KIAA1671: variants seen among roughly 807,000 people sequenced by gnomAD.
KIAA1671 encodes uncharacterized protein KIAA1671.
Under a neutral mutation model 131.2 loss-of-function variants are expected in KIAA1671, and 52 were observed. The ratio of observed to expected loss-of-function variants is 0.40; its 90% CI spans 0.32 to 0.50. KIAA1671 has a LOEUF of 0.50. Among genes scored for constraint, KIAA1671 ranks in the 20% least tolerant of loss-of-function variants. KIAA1671 has a pLI of 0.73. For synonymous variants in KIAA1671, 1,003 were observed against 961.6 expected, an observed-to-expected ratio of 1.04 and a Z score of -0.80; for missense variants, 2,360 against 2,364.2, an observed-to-expected ratio of 1.00 and a Z score of 0.04.
intron 1 of KIAA1671, among the ~76,000 whole-genome samples, chr22:25,019,685 A>C (rs1431948610): frequency 2.8e-5 from 1 of 36,258 alleles, no homozygotes; most frequent in Non-Finnish European, 5.0e-5. Flanking sequence ...CCTTGAATAC[A>C]AAAAAAAAAA....
Position 25,099,545 on chromosome 22 carries a change from GTTTTTTT to G in KIAA1671, c.4530+50203_4530+50209del, listed in dbSNP as rs58721361. 3.3e-3 allele frequency among the ~76,000 whole-genome samples: 115 copies of G among 35,362 alleles called. No homozygotes were observed. The East Asian group carries it at 0.057, about 17-fold the overall frequency. 23.2% of individuals were successfully genotyped at this position (35,362 alleles called of 152,430 possible). On this transcript the variant is annotated intron_variant, in intron 6 of 12. Transcript: ENST00000358431. ...TGTCTTTCAAAATGTGGGTTTTTTT[GTTTTTTT>G]TTTTTTTTTTTTTTTTTTTTTAGAT... is the stretch of plus-strand genomic sequence containing the variant.
intron 6 of KIAA1671, among the ~76,000 whole-genome samples, chr22:25,134,598 G>A (rs758714634): frequency 4.6e-5 from 7 of 152,190 alleles, no homozygotes; most frequent in South Asian, 4.2e-4. Flanking sequence ...CTCTTCTGTC[G>A]TCCCAGTTGG....
At chr22:25,079,767 G>T (rs1423161305) in intron 6 of KIAA1671, among the ~76,000 whole-genome samples, 1 of 152,172 alleles carries the variant, frequency 6.6e-6, no homozygotes, top group East Asian at 1.9e-4. Flanking sequence ...TCACTCTAAG[G>T]ACTGTGCCTC....
chr22:25,044,063 T>C (rs977521246), intron 5 of KIAA1671, among the ~76,000 whole-genome samples: 1 of 152,272 alleles, frequency 6.6e-6, no homozygotes, highest in Non-Finnish European at 1.5e-5. Flanking sequence ...GGGTAAGTGA[T>C]GGAGTCAGGC....
chr22:25,054,407 C>T (rs979059676), intron 6 of KIAA1671: 2 of 149,784 alleles, frequency 1.3e-5, no homozygotes, highest in Non-Finnish European at 3.0e-5. Context: ...GGCTCCTCTC[C>T]GTGGCTGACA....
At chr22:25,068,564 G>A (rs967001013) in intron 6 of KIAA1671, among the ~76,000 whole-genome samples, 5 of 152,150 alleles carry the variant, frequency 3.3e-5, no homozygotes, top group African/African-American at 9.7e-5. Flanking sequence ...AGCCTCCCGA[G>A]TAGCTGGGAC....
chr22:25,129,507 GA>G (rs768667507), intron 6 of KIAA1671, among the ~76,000 whole-genome samples: 134 of 130,836 alleles, frequency 1.0e-3, no homozygotes, highest in East Asian at 3.2e-3. Context: ...GACTCCATCT[GA>G]AAAAAAAAAA....
chr22:25,184,699 G>A (rs901464070), intron 10 of KIAA1671, among the ~76,000 whole-genome samples: 5 of 152,272 alleles, frequency 3.3e-5, no homozygotes, highest in Non-Finnish European at 7.4e-5. Context: ...GTGGCATGCC[G>A]TGTGCTGAGC....
chr22:25,102,855 G>A (rs557688413), intron 6 of KIAA1671: 35 of 152,724 alleles, frequency 2.3e-4, no homozygotes, highest in African/African-American at 5.8e-4. Context: ...TGACTCAGGC[G>A]ATGCAGGCCT....
chr22:25,144,155 C>T (rs1932844392), intron 6 of KIAA1671, among the ~76,000 whole-genome samples: 1 of 152,108 alleles, frequency 6.6e-6, no homozygotes, highest in African/African-American at 2.4e-5. Context: ...TTTCTCCTGC[C>T]CCTTCCCTTT....
intron 1 of KIAA1671, among the ~76,000 whole-genome samples, chr22:25,008,045 A>C (rs2123871934): frequency 6.6e-6 from 1 of 151,996 alleles, no homozygotes; most frequent in African/African-American, 2.4e-5. Flanking sequence ...TAAAAATACA[A>C]AAATTAGCCG....
chr22:25,185,378 C>T, intron 11 of KIAA1671: 1 of 434,720 alleles, frequency 2.3e-6, no homozygotes. Flanking sequence ...ACATGGAACG[C>T]CAGGGCACCA....
intron 6 of KIAA1671, among the ~76,000 whole-genome samples, chr22:25,085,517 C>A (rs1280868041): frequency 3.3e-5 from 5 of 151,596 alleles, no homozygotes; most frequent in Non-Finnish European, 5.9e-5. Flanking sequence ...CCTCCCCCCC[C>A]ATAACCCCCT....
chr22:24,988,004 G>A (rs1013833470), intron 1 of KIAA1671, among the ~76,000 whole-genome samples: 4 of 151,588 alleles, frequency 2.6e-5, no homozygotes, highest in African/African-American at 9.7e-5. Flanking sequence ...GGCGGGGCAC[G>A]GTGGTTCACG....
At chr22:25,088,424 C>T (rs1929848415) in intron 6 of KIAA1671, among the ~76,000 whole-genome samples, 1 of 152,098 alleles carries the variant, frequency 6.6e-6, no homozygotes, top group South Asian at 2.1e-4. Context: ...TCTTTCATTC[C>T]TCAAACACTT....
At chr22:25,011,684 C>G (rs1266378214) in intron 1 of KIAA1671, 2 of 137,054 alleles carry the variant, frequency 1.5e-5, no homozygotes, top group Non-Finnish European at 3.0e-5. Context: ...GTCGCCCAGG[C>G]TGGAGTGCAG....
At chr22:25,083,344 A>G (rs1371094795) in intron 6 of KIAA1671, among the ~76,000 whole-genome samples, 2 of 152,168 alleles carry the variant, frequency 1.3e-5, no homozygotes, top group African/African-American at 4.8e-5. Flanking sequence ...CCCTTATTTT[A>G]AACCTAATCA....
intron 1 of KIAA1671, among the ~76,000 whole-genome samples, chr22:24,999,361 GC>G (rs879812454): frequency 3.3e-5 from 5 of 152,130 alleles, no homozygotes; most frequent in Admixed American, 6.6e-5. Flanking sequence ...CTCCTGGGTA[GC>G]TGGGACTACA....
chr22:25,117,237 G>A (rs565320461), intron 6 of KIAA1671, among the ~76,000 whole-genome samples: 2 of 152,284 alleles, frequency 1.3e-5, no homozygotes, highest in South Asian at 4.2e-4. Flanking sequence ...ACTTAAATAT[G>A]GGGAGAAGGG....
Sources: allele counts gnomAD v4.1 joint callset (sites outside exome capture counted in the v4.1 genomes callset), GRCh38; gene constraint gnomAD v4.1.1; transcripts MANE v1.5; gene names NCBI Gene and HGNC (gene_info 2026-07-23, HGNC 2026-07-21).